The following GLIPR2 variants were observed in gnomAD, a reference collection of about 807,000 sequenced individuals.
GLIPR2 encodes the protein Golgi-associated plant pathogenesis-related protein 1.
A neutral mutation model predicts 20.4 loss-of-function variants in GLIPR2; 21 were observed. The ratio of observed to expected loss-of-function variants is 1.03; its 90% CI spans 0.73 to 1.48. The LOEUF (loss-of-function observed/expected upper bound fraction) is 1.48, where lower values mean the gene tolerates loss of function less well. Ranked by LOEUF, GLIPR2 falls within the 40% of genes most tolerant of loss-of-function variation. The probability of loss-of-function intolerance (pLI) is 0.00; values close to 1 mark genes in which losing one functional copy is unlikely to be tolerated. For missense variants in GLIPR2, 205 were observed against 200.1 expected (o/e 1.02, Z -0.15); for synonymous variants, 91 against 80.5 (o/e 1.13, Z -0.70).
At chr9:36,137,582 C>A (rs1382777302) in intron 1 of GLIPR2, among the ~76,000 whole-genome samples, 7 of 152,218 alleles carry the variant, frequency 4.6e-5, no homozygotes, top group Non-Finnish European at 1.0e-4. Flanking sequence ...CTGTGATTCC[C>A]CCCGGGAGGG....
intron 1 of GLIPR2, among the ~76,000 whole-genome samples, chr9:36,142,526 G>A (rs148030616): frequency 3.9e-5 from 6 of 152,260 alleles, no homozygotes; most frequent in Admixed American, 6.5e-5. Flanking sequence ...AAGCAGGCCC[G>A]GGATGGGTGA....
chr9:36,145,532 A>T (rs2132727697), intron 1 of GLIPR2, among the ~76,000 whole-genome samples: 1 of 152,338 alleles, frequency 6.6e-6, no homozygotes, highest in South Asian at 2.1e-4. Flanking sequence ...AGAGCAGATG[A>T]ACAGTTAAAT....
Position 36,163,804 on chromosome 9 carries a change from G to A in GLIPR2, c.*1282G>A, listed in dbSNP as rs547108642. 21 of 152,810 alleles carry A rather than the reference G, an allele frequency of 1.4e-4. No individual in the cohort carries two copies. 9.5% of individuals were successfully genotyped at this position (152,810 alleles called of 1,614,324 possible). On this transcript the variant is annotated 3_prime_UTR_variant, in exon 5 of 5. Transcript: ENST00000377960. ...TCTGGGCAGGCCAGTCCTCAAAGCAGCTCCTGAAGGTCTGTGTTGCACTGT... is the reference window on the plus strand; with the variant it reads ...TCTGGGCAGGCCAGTCCTCAAAGCAACTCCTGAAGGTCTGTGTTGCACTGT...
intron 4 of GLIPR2, among the ~76,000 whole-genome samples, chr9:36,151,411 T>C (rs1015597683): frequency 2.0e-5 from 3 of 152,140 alleles, no homozygotes; most frequent in Non-Finnish European, 4.4e-5. Context: ...AGGAGAAGGC[T>C]CAAGCTGCTG....
At chr9:36,141,820 ATT>A (rs34562409) in intron 1 of GLIPR2, 540 of 430,236 alleles carry the variant, frequency 1.3e-3, no homozygotes, top group Admixed American at 3.2e-3. Context: ...CGCATGGCTA[ATT>A]TTTTTTTTTT....
At chr9:36,140,012 A>G (rs940569655) in intron 1 of GLIPR2, among the ~76,000 whole-genome samples, 5 of 152,308 alleles carry the variant, frequency 3.3e-5, no homozygotes, top group Middle Eastern at 3.4e-3. Context: ...CCAGGCAGTT[A>G]TTATCAACTC....
chr9:36,162,973 T>C lies in GLIPR2; in HGVS notation c.*451T>C, dbSNP rs111383205. On this transcript the variant is annotated 3_prime_UTR_variant, in exon 5 of 5. Coordinates refer to ENST00000377960, the MANE Select transcript of GLIPR2 (RefSeq NM_022343.4). ...AGATTATTAAACCCTCATTTAAATG[T>C]GACATAAAATACAGCTTTAAGCACA... The C allele has an allele frequency of 5.0e-3, 2,249 of 447,032 alleles. 37 individuals carry two copies. The highest frequency in any genetic ancestry group is 0.04 in the African/African-American group (1,972 of 49,510). The allele number at this position is 447,032 out of a possible 1,614,324, so 27.7% of individuals were successfully genotyped here.
intron 1 of GLIPR2, among the ~76,000 whole-genome samples, chr9:36,139,310 A>AAC (rs143185108): frequency 9.9e-5 from 15 of 151,406 alleles, no homozygotes; most frequent in East Asian, 7.7e-4. Context: ...CTCCACCCCT[A>AAC]ACACACACAC....
chr9:36,150,819 G>A, intron 3 of GLIPR2, 53 bp from the exon 4 acceptor site: 1 of 1,316,320 alleles, frequency 7.6e-7, no homozygotes, highest in East Asian at 2.3e-5. Context: ...GCAGGGAATA[G>A]GGAGTGGGTG....
chr9:36,136,693 C>T (rs943663901), upstream of GLIPR2: 69 of 1,017,448 alleles, frequency 6.8e-5, no homozygotes, highest in Middle Eastern at 2.2e-3. The surrounding 1 kb of genome is among the most constrained non-coding windows in gnomAD (Gnocchi z 4.3). Flanking sequence ...GCGGCATCAG[C>T]CCGGTCCTGG....
rs75861318 is a variant in GLIPR2 at position 36,140,493 on chromosome 9, C to T, written c.13+3702C>T. ...CCTTCCTTCACACACAGATGGGAAA[C>T]CTGGGGCCCAGAGGGGTAGGGATGT... On this transcript the variant is annotated intron_variant, in intron 1 of 4. Transcript: ENST00000377960. 7.4e-3 allele frequency among the ~76,000 whole-genome samples: 1,121 copies of T among 152,182 alleles called. 16 individuals carry two copies. Among genetic ancestry groups the T allele is most frequent in the African/African-American group, 0.025 (1,051 of 41,486 alleles).
chr9:36,148,311 A>T (rs1825430285), intron 2 of GLIPR2, among the ~76,000 whole-genome samples: 1 of 151,438 alleles, frequency 6.6e-6, no homozygotes, highest in Non-Finnish European at 1.5e-5. Flanking sequence ...GATCAGATAT[A>T]ACCACACTTG....
At chr9:36,150,821 G>A in intron 3 of GLIPR2, 51 bp from the exon 4 acceptor site, 2 of 1,327,256 alleles carry the variant, frequency 1.5e-6, no homozygotes, top group Non-Finnish European at 2.2e-6. Context: ...AGGGAATAGG[G>A]AGTGGGTGGA....
chr9:36,153,525 A>T (rs1347743734), intron 4 of GLIPR2, among the ~76,000 whole-genome samples: 1 of 151,976 alleles, frequency 6.6e-6, no homozygotes, highest in South Asian at 2.1e-4. Context: ...CCTCCCCCAG[A>T]CCCTGTCTGC....
chr9:36,148,550 T>C lies in GLIPR2; in HGVS notation c.126T>C (p.Tyr42=). The change falls in exon 3 of 5, where the codon TAT becomes TAC. Residue 42 remains tyrosine (Y), a synonymous_variant. Transcript: ENST00000377960. ...CKNLNREAQQ[Y]SEALASTRIL... is the part of the protein sequence containing the mutation. ...GGAGGCGCTGTGAACTCTGCAGGTATTCTGAGGCCCTGGCCAGCACGAGGA... is the reference window on the plus strand; with the variant it reads ...GGAGGCGCTGTGAACTCTGCAGGTACTCTGAGGCCCTGGCCAGCACGAGGA... The C allele has an allele frequency of 6.2e-7, 1 of 1,613,120 alleles. No individual in the cohort carries two copies. Among genetic ancestry groups the C allele is most frequent in the East Asian group, 2.2e-5 (1 of 44,856 alleles).
chr9:36,162,471 T>C lies in GLIPR2; in HGVS notation c.414T>C (p.Asn138=), dbSNP rs1418927245. ...FVVARYFPAG[N]VVNEGFFEEN... ...TGGCCAGATACTTCCCAGCGGGGAA[T>C]GTTGTCAATGAGGGCTTCTTCGAAG... Residue 138 remains asparagine, a synonymous_variant, in exon 5 of 5, where the codon AAT becomes AAC. Coordinates refer to ENST00000377960, the MANE Select transcript of GLIPR2 (RefSeq NM_022343.4). 6.2e-7 allele frequency: 1 copy of C among 1,614,086 alleles called. No homozygotes were observed. The highest frequency in any genetic ancestry group is 8.5e-7 in the Non-Finnish European group (1 of 1,180,030).
chr9:36,136,732 C>G (rs1824832347), upstream of GLIPR2: 2 of 1,219,140 alleles, frequency 1.6e-6, no homozygotes, highest in African/African-American at 3.2e-5. The surrounding 1 kb of genome is among the most constrained non-coding windows in gnomAD (Gnocchi z 4.3). Context: ...GCCGGGCGAG[C>G]GCAGTGCAGC....
intron 1 of GLIPR2, among the ~76,000 whole-genome samples, chr9:36,137,407 C>T (rs956710634): frequency 1.3e-5 from 2 of 152,222 alleles, no homozygotes; most frequent in Admixed American, 6.5e-5. Context: ...TGCCTTCGGG[C>T]CCCTGGGAGT....
upstream of GLIPR2, chr9:36,136,620 C>T: frequency 2.2e-6 from 1 of 447,376 alleles, no homozygotes; most frequent in South Asian, 1.2e-4. This position sits in a 1 kb window ranked among gnomAD's most constrained non-coding sequence, Gnocchi z 4.3. Context: ...TGGCCCCGGG[C>T]GCCTCCGCCC....
Sources: gnomAD v4.1 joint callset for allele counts (sites outside exome capture counted in the v4.1 genomes callset) on GRCh38, gnomAD v4.1.1 for gene constraint, Gnocchi (gnomAD v3.1) non-coding constraint, MANE v1.5 for transcripts, NCBI Gene and HGNC (gene_info 2026-07-23, HGNC 2026-07-21) for gene names.